ST6GALNAC6: variants seen among roughly 807,000 people sequenced by gnomAD.
ST6GALNAC6 encodes alpha-N-acetylgalactosaminide alpha-2,6-sialyltransferase 6.
A neutral mutation model predicts 34.3 loss-of-function variants in ST6GALNAC6; 19 were observed. The ratio of observed to expected loss-of-function variants is 0.55; its 90% CI spans 0.39 to 0.81. The LOEUF is 0.81. Ranked by LOEUF, ST6GALNAC6 falls within the 40% of genes least tolerant of loss-of-function variation. The pLI is 0.00. For missense variants in ST6GALNAC6, 377 were observed against 467.7 expected (o/e 0.81, Z 1.79); for synonymous variants, 185 against 182.1 (o/e 1.02, Z -0.13).
chr9:127,905,638 C>G (rs1486047284), upstream of ST6GALNAC6, among the ~76,000 whole-genome samples: 6 of 152,144 alleles, frequency 3.9e-5, no homozygotes, highest in Admixed American at 3.9e-4. Context: ...CTGTCACCAC[C>G]AAGGAAGGGC....
chr9:127,906,440 A>G (rs1830917400), upstream of ST6GALNAC6, among the ~76,000 whole-genome samples: 1 of 152,056 alleles, frequency 6.6e-6, no homozygotes, highest in South Asian at 2.1e-4. Context: ...GATGCCTGGA[A>G]GGGGTGATGC....
At position 127,890,604 on chromosome 9, in the gene ST6GALNAC6, G is replaced by C; in HGVS notation, c.704+33C>G. ...GGGGCATGCTGAGAAGGAGCACAGTGCTGGCCAGAGGGGGCAGGCAGGAGG... is the reference window on the plus strand; with the variant it reads ...GGGGCATGCTGAGAAGGAGCACAGTCCTGGCCAGAGGGGGCAGGCAGGAGG... On this transcript the variant is annotated intron_variant, in intron 5 of 6. Coordinates refer to ENST00000373146, the MANE Select transcript of ST6GALNAC6 (RefSeq NM_013443.5). The surrounding 1 kb of genome is among the most constrained non-coding windows in gnomAD (Gnocchi z 4.3). 1 of 1,612,476 alleles carries C rather than the reference G, an allele frequency of 6.2e-7. No individual in the cohort carries two copies. Among genetic ancestry groups the C allele is most frequent in the African/African-American group, 1.3e-5 (1 of 75,052 alleles).
intron 4 of ST6GALNAC6, 23 bp from the exon 5 acceptor site, chr9:127,891,066 A>G (rs745648020): frequency 1.2e-6 from 2 of 1,610,710 alleles, no homozygotes; most frequent in South Asian, 1.1e-5. Flanking sequence ...GAAAGTCAAC[A>G]TTATCACGGC....
upstream of ST6GALNAC6, chr9:127,899,737 G>C (rs1265910631): frequency 1.1e-6 from 1 of 879,420 alleles, no homozygotes; most frequent in Non-Finnish European, 1.4e-6. Flanking sequence ...AGGGGAGGCG[G>C]ACCCGGGTGC....
chr9:127,890,194 G>A lies in ST6GALNAC6; in HGVS notation c.704+443C>T, dbSNP rs1434744919. Among the ~76,000 whole-genome samples the A allele has an allele frequency of 6.6e-6, 1 of 152,248 alleles. No individual in the cohort carries two copies. The highest frequency in any genetic ancestry group is 1.9e-4 in the East Asian group (1 of 5,204). On this transcript the variant is annotated intron_variant, in intron 5 of 6. Transcript: ENST00000373146. The surrounding 1 kb of genome is among the most constrained non-coding windows in gnomAD (Gnocchi z 4.3). ...AGCACTGGCCTAGCTTTCCTAGGGA[G>A]ATTAGTCACAGCAGGGCATGCTGGG...
upstream of ST6GALNAC6, chr9:127,903,835 G>GA (rs397816942): frequency 2.0e-5 from 3 of 151,946 alleles, no homozygotes; most frequent in Admixed American, 2.0e-4. Flanking sequence ...GCTGCACCAG[G>GA]AGGGAAACAT....
At chr9:127,887,626 G>T (rs376702317) in intron 5 of ST6GALNAC6, 35 bp from the exon 6 acceptor site, 5 of 1,550,826 alleles carry the variant, frequency 3.2e-6, no homozygotes, top group Non-Finnish European at 4.4e-6. Context: ...GAGGGCACAT[G>T]CAGGGAGAGA....
upstream of ST6GALNAC6, chr9:127,906,132 G>C (rs1830910710): frequency 1.6e-6 from 1 of 636,130 alleles, no homozygotes; most frequent in Non-Finnish European, 2.0e-6. Flanking sequence ...AGCCCCCTCT[G>C]TGAAAGCCAA....
chr9:127,906,134 G>A (rs1830910797), upstream of ST6GALNAC6: 9 of 585,660 alleles, frequency 1.5e-5, no homozygotes, highest in Non-Finnish European at 1.7e-5. Context: ...CCCCCTCTGT[G>A]AAAGCCAAGG....
chr9:127,901,823 C>T (rs966395773), upstream of ST6GALNAC6, among the ~76,000 whole-genome samples: 3 of 151,554 alleles, frequency 2.0e-5, no homozygotes, highest in African/African-American at 7.3e-5. Flanking sequence ...GTCCTAGCTA[C>T]CCTGGAGGTT....
At chr9:127,905,498 G>A (rs1016231081), upstream of ST6GALNAC6, 24 of 947,944 alleles carry the variant, frequency 2.5e-5, no homozygotes, top group Non-Finnish European at 3.0e-5. Flanking sequence ...GATAGAGAAG[G>A]AAGAGGAGGC....
chr9:127,899,741 C>T, upstream of ST6GALNAC6: 1 of 833,240 alleles, frequency 1.2e-6, no homozygotes, highest in Non-Finnish European at 1.4e-6. Context: ...GAGGCGGACC[C>T]GGGTGCCGCC....
chr9:127,889,249 G>A (rs1232171439), intron 5 of ST6GALNAC6, among the ~76,000 whole-genome samples: 1 of 151,246 alleles, frequency 6.6e-6, no homozygotes. Context: ...TTGGGAGGCT[G>A]AGGCAGCAGA....
upstream of ST6GALNAC6, among the ~76,000 whole-genome samples, chr9:127,900,991 C>CAAAAAAAAAAAAA (rs56673204): frequency 1.2e-3 from 73 of 61,004 alleles, 2 homozygotes; most frequent in East Asian, 0.013. Flanking sequence ...AACTCCCTAT[C>CAAAAAAAAAAAAA]AAAAAAAAAA....
chr9:127,892,402 A>C (rs1455642020), intron 4 of ST6GALNAC6, among the ~76,000 whole-genome samples: 1 of 152,260 alleles, frequency 6.6e-6, no homozygotes, highest in African/African-American at 2.4e-5. Flanking sequence ...GCCACAAGGT[A>C]ACAACTGAGA....
At chr9:127,902,286 G>C (rs1404765074), upstream of ST6GALNAC6, among the ~76,000 whole-genome samples, 1 of 152,010 alleles carries the variant, frequency 6.6e-6, no homozygotes, top group Non-Finnish European at 1.5e-5. Flanking sequence ...AGCCTGCCGA[G>C]TAGCTGGGAC....
chr9:127,899,667 G>C (rs1830680238), upstream of ST6GALNAC6: 1 of 984,100 alleles, frequency 1.0e-6, no homozygotes, highest in Admixed American at 6.2e-5. Context: ...CCTGGGAGGT[G>C]GGCGGAGCCT....
upstream of ST6GALNAC6, among the ~76,000 whole-genome samples, chr9:127,902,505 G>A (rs1830793094): frequency 6.6e-6 from 1 of 151,646 alleles, no homozygotes; most frequent in Non-Finnish European, 1.5e-5. Flanking sequence ...ATGGGATCTG[G>A]GGCTGCTTTT....
intron 3 of ST6GALNAC6, among the ~76,000 whole-genome samples, chr9:127,895,765 G>A (rs1830414900): frequency 6.6e-6 from 1 of 152,180 alleles, no homozygotes; most frequent in Non-Finnish European, 1.5e-5. Flanking sequence ...AGGCTGCAGT[G>A]GATCCTAGGG....
Sources: gnomAD v4.1 joint callset for allele counts (sites outside exome capture counted in the v4.1 genomes callset) on GRCh38, gnomAD v4.1.1 for gene constraint, Gnocchi (gnomAD v3.1) non-coding constraint, MANE v1.5 for transcripts, NCBI Gene and HGNC (gene_info 2026-07-23, HGNC 2026-07-21) for gene names.